Variants in ILRUN observed in about 807,000 individuals in gnomAD.
The protein encoded by ILRUN is protein ILRUN.
ILRUN carries 3 observed loss-of-function variants against 33.8 expected under a neutral mutation model. The ratio of observed to expected loss-of-function variants is 0.09; its 90% CI spans 0.04 to 0.23. ILRUN has a LOEUF of 0.23. Among genes scored for constraint, ILRUN ranks in the 10% least tolerant of loss-of-function variants. The probability of loss-of-function intolerance (pLI) is 1.00; values close to 1 mark genes in which losing one functional copy is unlikely to be tolerated. For synonymous variants in ILRUN, 124 were observed against 138.9 expected, an observed-to-expected ratio of 0.89 and a Z score of 0.75; for missense variants, 210 against 375.1, an observed-to-expected ratio of 0.56 and a Z score of 3.64.
At chr6:34,676,275 T>C (rs1763227189) in intron 1 of ILRUN, among the ~76,000 whole-genome samples, 1 of 151,750 alleles carries the variant, frequency 6.6e-6, no homozygotes, top group African/African-American at 2.4e-5. Flanking sequence ...AGCACATTCC[T>C]GTAGTCCCAG....
chr6:34,666,551 C>T (rs1428742149), intron 1 of ILRUN, among the ~76,000 whole-genome samples: 1 of 151,798 alleles, frequency 6.6e-6, no homozygotes, highest in Non-Finnish European at 1.5e-5. Context: ...GCAACAAGAG[C>T]GAAACTCCAT....
chr6:34,684,722 G>A (rs1184541435), intron 1 of ILRUN, among the ~76,000 whole-genome samples: 1 of 152,192 alleles, frequency 6.6e-6, no homozygotes, highest in East Asian at 1.9e-4. Flanking sequence ...AGGTAGAAAG[G>A]AAAGAATAGC....
At chr6:34,679,428 G>T (rs1763309845) in intron 1 of ILRUN, among the ~76,000 whole-genome samples, 1 of 151,708 alleles carries the variant, frequency 6.6e-6, no homozygotes, top group Non-Finnish European at 1.5e-5. Context: ...AAGGAAACAG[G>T]GATGCAAGCA....
Position 34,629,122 on chromosome 6 carries a change from G to A in ILRUN, c.511+17479C>T, listed in dbSNP as rs937981101. 3.5e-4 allele frequency among the ~76,000 whole-genome samples: 54 copies of A among 152,148 alleles called. 1 individual carries two copies. The highest frequency in any genetic ancestry group is 2.0e-3 in the Admixed American group (31 of 15,274). On this transcript the variant is annotated intron_variant, in intron 3 of 4. Transcript: ENST00000374023. The stretch of plus-strand genomic sequence containing the variant: ...CTGTTTCAAAAAGAATATAAAAAGA[G>A]AATGAGTATAATTCTTCATTAATTC...
chr6:34,609,983 C>T (rs1761714669), intron 3 of ILRUN, among the ~76,000 whole-genome samples: 1 of 151,736 alleles, frequency 6.6e-6, no homozygotes, highest in African/African-American at 2.4e-5. Flanking sequence ...ACGGTGAAAC[C>T]CCGTCTCTAC....
intron 3 of ILRUN, chr6:34,617,263 T>C (rs868030031): frequency 1.1e-5 from 4 of 365,464 alleles, no homozygotes; most frequent in Middle Eastern, 9.3e-4. Flanking sequence ...AACTAAGGCG[T>C]CTATCATGAT....
chr6:34,612,267 C>T (rs138995598), intron 3 of ILRUN, among the ~76,000 whole-genome samples: 31 of 152,072 alleles, frequency 2.0e-4, no homozygotes, highest in Admixed American at 1.8e-3. Context: ...ACTGTTTCCA[C>T]AAAAAATACA....
At chr6:34,627,540 G>C (rs1037765237) in intron 3 of ILRUN, among the ~76,000 whole-genome samples, 1 of 152,134 alleles carries the variant, frequency 6.6e-6, no homozygotes, top group Admixed American at 6.5e-5. Context: ...TATTGTTGGC[G>C]TTTGGGATTA....
chr6:34,608,688 T>C (rs979849326), intron 3 of ILRUN, among the ~76,000 whole-genome samples: 2 of 152,222 alleles, frequency 1.3e-5, no homozygotes, highest in Non-Finnish European at 2.9e-5. Flanking sequence ...CCACCATCAC[T>C]GACCAAAACA....
At chr6:34,629,565 T>C (rs1341079197) in intron 3 of ILRUN, among the ~76,000 whole-genome samples, 2 of 152,230 alleles carry the variant, frequency 1.3e-5, no homozygotes, top group Non-Finnish European at 2.9e-5. Flanking sequence ...AGGTAAGATA[T>C]TTTTTCCCTT....
At chr6:34,673,301 T>G (rs35286877) in intron 1 of ILRUN, among the ~76,000 whole-genome samples, 23,630 of 152,052 alleles carry the variant, frequency 0.16, 2,369 homozygotes, top group African/African-American at 0.28. Flanking sequence ...GCTCACCCAG[T>G]CCAGATCAGG....
chr6:34,683,503 T>TAC lies in ILRUN; in HGVS notation c.158+12942_158+12943insGT, dbSNP rs1562033270. On this transcript the variant is annotated intron_variant, in intron 1 of 4. Coordinates refer to ENST00000374023, the MANE Select transcript of ILRUN (RefSeq NM_024294.4). ...ATATATATACATATATATATACATATATATATATATACATATATATATATA... is the reference window on the plus strand; with the variant it reads ...ATATATATACATATATATATACATATACATATATATATACATATATATATATA... Among the ~76,000 whole-genome samples, 78 of 95,252 alleles carry TAC rather than the reference T, an allele frequency of 8.2e-4. 2 individuals carry two copies. Among genetic ancestry groups the TAC allele is most frequent in the African/African-American group, 2.9e-3 (46 of 15,700 alleles). The allele number at this position is 95,252 out of a possible 152,430, so 62.5% of individuals were successfully genotyped here.
At chr6:34,666,036 T>C (rs972277533) in intron 1 of ILRUN, among the ~76,000 whole-genome samples, 1 of 150,356 alleles carries the variant, frequency 6.7e-6, no homozygotes, top group Admixed American at 6.6e-5. Context: ...AAGAGAAAAA[T>C]CTATAGCCCT....
intron 1 of ILRUN, among the ~76,000 whole-genome samples, chr6:34,668,344 TAG>T (rs1232114569): frequency 2.0e-5 from 3 of 152,194 alleles, no homozygotes; most frequent in Admixed American, 6.5e-5. Context: ...ATTCATAATA[TAG>T]CCAGTAAGTA....
chr6:34,591,318 C>T (rs536185923), intron 4 of ILRUN, among the ~76,000 whole-genome samples: 5 of 152,166 alleles, frequency 3.3e-5, no homozygotes, highest in African/African-American at 1.2e-4. Flanking sequence ...TAGTCAGAAC[C>T]CACCCCTATA....
intron 1 of ILRUN, among the ~76,000 whole-genome samples, chr6:34,655,191 A>G (rs999272924): frequency 2.0e-5 from 3 of 152,164 alleles, no homozygotes; most frequent in South Asian, 2.1e-4. Flanking sequence ...TGCCCAGGCT[A>G]GTCTTGAACT....
chr6:34,621,253 C>CT lies in ILRUN; in HGVS notation c.512-14350dup, dbSNP rs201944719. Among the ~76,000 whole-genome samples, 9 of 152,274 alleles carry CT rather than the reference C, an allele frequency of 5.9e-5. No individual in the cohort carries two copies. The East Asian group carries it at 1.7e-3, about 29-fold the overall frequency. ...GTAAAGAATTAAGCATTTAACCAGC[C>CT]TTTTTGGTAGAAATTAAATTTCAAG... On this transcript the variant is annotated intron_variant, in intron 3 of 4. Transcript: ENST00000374023.
chr6:34,606,705 C>G lies in ILRUN; in HGVS notation c.711G>C (p.Ser237=), dbSNP rs144085981. The G allele has an allele frequency of 6.2e-7, 1 of 1,613,988 alleles. No individual in the cohort carries two copies. The highest frequency in any genetic ancestry group is 8.5e-7 in the Non-Finnish European group (1 of 1,180,032). Residue 237 remains serine, a synonymous_variant, in exon 4 of 5, where the codon TCG becomes TCC. Coordinates refer to ENST00000374023, the MANE Select transcript of ILRUN (RefSeq NM_024294.4). ...CAGGAGCCCATGTGTTTTTGCTGAT[C>G]GAGTCGAACTCGGAGCCCCCAGGGT... ...LKDPGGSEFD[S]ISKNTWAPAP... is the part of the protein sequence containing the mutation.
chr6:34,682,024 A>G (rs767922875), intron 1 of ILRUN, among the ~76,000 whole-genome samples: 7 of 130,674 alleles, frequency 5.4e-5, no homozygotes, highest in South Asian at 2.3e-4. Context: ...ACTAATTCTT[A>G]TATTTTTATT....
Sources: gnomAD v4.1 joint callset for allele counts (sites outside exome capture counted in the v4.1 genomes callset) on GRCh38, gnomAD v4.1.1 for gene constraint, MANE v1.5 for transcripts, NCBI Gene and HGNC (gene_info 2026-07-23, HGNC 2026-07-21) for gene names.